The following SIGLEC1 variants were observed in gnomAD, a reference collection of about 807,000 sequenced individuals.
The protein encoded by SIGLEC1 is sialoadhesin.
A neutral mutation model predicts 148.0 loss-of-function variants in SIGLEC1; 132 were observed. That is an observed-to-expected ratio of 0.89 (90% confidence interval 0.77 to 1.03). The LOEUF is 1.03. Ranked by LOEUF, SIGLEC1 falls within the 50% of genes least tolerant of loss-of-function variation. The pLI is 0.00. For missense variants in SIGLEC1, 2,253 were observed against 2,271.4 expected (o/e 0.99, Z 0.16); for synonymous variants, 945 against 969.0 (o/e 0.98, Z 0.46).
rs762754808 is a variant in SIGLEC1 at position 3,690,160 on chromosome 20, G to A, written c.4696C>T (p.Leu1566Phe). The A allele has an allele frequency of 1.1e-5, 18 of 1,595,920 alleles. No individual in the cohort carries two copies. The highest frequency in any genetic ancestry group is 1.5e-5 in the Non-Finnish European group (18 of 1,172,130). The change falls in exon 19 of 22, where the codon CTC (leucine) becomes TTC (phenylalanine). Residue 1566 changes from leucine (L) to phenylalanine (F), a missense_variant. Transcript: ENST00000344754. ...VDSEPLASLT[L>F]HLGSRLVASS... ...GCCACCAGTCGACTGCCAAGGTGGA[G>A]AGTCAGGCTGGCGAGCGGCTCGCTG...
intron 11 of SIGLEC1, among the ~76,000 whole-genome samples, chr20:3,695,760 T>C (rs576618143): frequency 1.1e-3 from 163 of 152,324 alleles, no homozygotes; most frequent in African/African-American, 3.8e-3. Flanking sequence ...TCATGTTCCT[T>C]TGACCTTCGC....
chr20:3,700,413 T>C (rs1291297121), intron 7 of SIGLEC1, among the ~76,000 whole-genome samples: 2 of 151,570 alleles, frequency 1.3e-5, no homozygotes, highest in Non-Finnish European at 2.9e-5. Flanking sequence ...CCACCATGCC[T>C]GGCCACAATT....
rs1450034632 is a variant in SIGLEC1, at chr20:3,691,297, G to A, written c.4591+43C>T. On this transcript the variant is annotated intron_variant, in intron 18 of 21. Coordinates refer to ENST00000344754, the MANE Select transcript of SIGLEC1 (RefSeq NM_023068.4). Reference sequence around the variant, plus strand: ...GGAGGAAGAACTGAGGTGGGCGTGTGAGATGTGGGGAGACTAAGGCGGAGG... The same window carrying A: ...GGAGGAAGAACTGAGGTGGGCGTGTAAGATGTGGGGAGACTAAGGCGGAGG... 4 of 1,604,596 alleles carry A rather than the reference G, an allele frequency of 2.5e-6. No individual in the cohort carries two copies. In the South Asian group the frequency reaches 4.4e-5, roughly 18 times the overall value.
At position 3,698,106 on chromosome 20, in the gene SIGLEC1, GTGGTGAATGT is replaced by G; in HGVS notation, c.1804_1813del (p.Thr602ProfsTer59). ...CCCAGCGGCATCAAGGTCCAGCCTGGTGGTGAATGTTGGTTGTCGAGGGGGGTCTGCAGGG... is the reference window on the plus strand; with the variant it reads ...CCCAGCGGCATCAAGGTCCAGCCTGGTGGTTGTCGAGGGGGGTCTGCAGGG... On this transcript the variant is annotated frameshift_variant, in exon 9 of 22. Transcript: ENST00000344754. LOFTEE classifies it high-confidence loss of function. 6.2e-7 allele frequency: 1 copy of G among 1,602,986 alleles called. No homozygotes were observed. Among genetic ancestry groups the G allele is most frequent in the Non-Finnish European group, 8.5e-7 (1 of 1,176,494 alleles).
chr20:3,689,055 G>C (rs897740212), intron 21 of SIGLEC1, 100 bp downstream of exon 21: 3 of 1,054,744 alleles, frequency 2.8e-6, no homozygotes, highest in East Asian at 2.4e-5. Context: ...CCTCCCCTTG[G>C]TCCCAGGCAC....
rs1319058973 is a variant in SIGLEC1, at chr20:3,694,523, C to T, written c.2954G>A (p.Arg985His). ...PISLHVSYAP[R>H]HVTLTTLMDT... ...CATCAGGGTAGTGAGTGTGACGTGG[C>T]GTGGGGCATCTACACAGGGTGGGGA... The change falls in exon 13 of 22, where the codon CGC becomes CAC. Residue 985 changes from arginine (R) to histidine (H), a missense_variant. Coordinates refer to ENST00000344754, the MANE Select transcript of SIGLEC1 (RefSeq NM_023068.4). 8 of 1,559,800 alleles carry T rather than the reference C, an allele frequency of 5.1e-6. No homozygotes were observed. Among genetic ancestry groups the T allele is most frequent in the East Asian group, 4.6e-5 (2 of 43,416 alleles).
chr20:3,688,954 G>C lies in SIGLEC1; in HGVS notation c.5070+201C>G, dbSNP rs572511667. 2.8e-5 allele frequency: 17 copies of C among 615,746 alleles called. No individual in the cohort carries two copies. The South Asian group carries it at 3.1e-4, about 11-fold the overall frequency. 38.1% of individuals were successfully genotyped at this position (615,746 alleles called of 1,614,324 possible). A position where few individuals can be genotyped will look rare whatever the true frequency, so the allele number is the denominator to read the frequency against. On this transcript the variant is annotated intron_variant, in intron 21 of 21. Transcript: ENST00000344754. Reference sequence around the variant, plus strand: ...TCTCCCCTAGTCCTCTAAGCCAGCCGCCAGCTGACACAGGGATTCCCTCTG... The same window carrying C: ...TCTCCCCTAGTCCTCTAAGCCAGCCCCCAGCTGACACAGGGATTCCCTCTG...
At chr20:3,694,581 C>G (rs879604082) in intron 12 of SIGLEC1, 49 bp from the exon 13 acceptor site, 1 of 1,559,312 alleles carries the variant, frequency 6.4e-7, no homozygotes, top group Non-Finnish European at 8.7e-7. Flanking sequence ...GGTCCCTCAT[C>G]CAGGGCTCTG....
intron 20 of SIGLEC1, 78 bp from the exon 21 acceptor site, chr20:3,689,305 G>A (rs2088731137): frequency 2.4e-6 from 3 of 1,270,990 alleles, no homozygotes; most frequent in East Asian, 2.3e-5. Context: ...CTCCCCACAG[G>A]CTGGCTCCAG....
chr20:3,700,174 G>C (rs1488948066), intron 7 of SIGLEC1, among the ~76,000 whole-genome samples: 2 of 129,788 alleles, frequency 1.5e-5, no homozygotes, highest in Admixed American at 1.9e-4. Flanking sequence ...CTGGAGTGCA[G>C]TGGCGCAATC....
rs369071850 is a variant in SIGLEC1, at chr20:3,703,809, C to G, written c.973+16G>C. ...CCCTATTCTCTGGCCAATACGCAAC[C>G]TTCCCAAGAACTCACTGAAGATGTG... On this transcript the variant is annotated intron_variant, in intron 5 of 21. Coordinates refer to ENST00000344754, the MANE Select transcript of SIGLEC1 (RefSeq NM_023068.4). 6.2e-6 allele frequency: 10 copies of G among 1,613,404 alleles called. No individual in the cohort carries two copies. Among genetic ancestry groups the G allele is most frequent in the Admixed American group, 3.3e-5 (2 of 59,990 alleles).
In SIGLEC1 at chr20:3,691,592, C is replaced by T. The variant is rs765649353; in HGVS notation, c.4339G>A (p.Val1447Met). 8.1e-6 allele frequency: 13 copies of T among 1,611,718 alleles called. No individual in the cohort carries two copies. The highest frequency in any genetic ancestry group is 1.3e-5 in the African/African-American group (1 of 74,918). Residue 1447 changes from valine to methionine, a missense_variant, in exon 18 of 22, where the codon GTG becomes ATG. Physicochemically the swap from Val to Met is conservative, Grantham distance 21. Transcript: ENST00000344754. ...IGRLQVEGAR[V>M]VAEPGLDVPE... ...ACGTCCAGGCCAGGCTCTGCCACCA[C>T]GCGTGCACCTGCGGGCGGAGGATAG...
Position 3,690,080 on chromosome 20 carries a change from G to A in SIGLEC1, c.4776C>T (p.Ser1592=). 6.2e-7 allele frequency: 1 copy of A among 1,611,828 alleles called. No individual in the cohort carries two copies. The highest frequency in any genetic ancestry group is 8.5e-7 in the Non-Finnish European group (1 of 1,179,374). Residue 1592 remains serine, a synonymous_variant, in exon 19 of 22, where the codon TCC becomes TCT. Coordinates refer to ENST00000344754, the MANE Select transcript of SIGLEC1 (RefSeq NM_023068.4). ...CGATGTCCACCCTCAGGGCATTGGG[G>A]GAAGCCAGGACATGGATGTGTGGCT... ...PAEPHIHVLA[S]PNALRVDIEA...
rs1600279435 is a variant in SIGLEC1 at position 3,691,394 on chromosome 20, C to T, written c.4537G>A (p.Ala1513Thr). The change falls in exon 18 of 22, where the codon GCT (alanine) becomes ACT (threonine). Residue 1513 changes from alanine to threonine, a missense_variant. Ala to Thr is a moderately conservative substitution (Grantham distance 58, BLOSUM62 0). Coordinates refer to ENST00000344754, the MANE Select transcript of SIGLEC1 (RefSeq NM_023068.4). ...RAQAGMYHCL[A>T]ELPTGAAASA... The stretch of plus-strand genomic sequence containing the variant: ...GCAGCAGCCCCAGTGGGGAGCTCAG[C>T]CAGGCAGTGGTACATCCCAGCTTGA... 1.2e-6 allele frequency: 2 copies of T among 1,613,412 alleles called. No individual in the cohort carries two copies. Among genetic ancestry groups the T allele is most frequent in the Non-Finnish European group, 1.7e-6 (2 of 1,180,040 alleles).
Position 3,692,624 on chromosome 20 carries a change from G to A in SIGLEC1, c.3927C>T (p.Leu1309=), listed in dbSNP as rs551972956. The change falls in exon 16 of 22, where the codon CTC becomes CTT. Residue 1309 remains leucine, a synonymous_variant. Coordinates refer to ENST00000344754, the MANE Select transcript of SIGLEC1 (RefSeq NM_023068.4). ...GAGCCCGCGTGGCCACCAGGAATGA[G>A]AGTGAGGCAGCTGGACCCTCCTGCA... ...RWLQEGPAAS[L]SFLVATRAHA... 81 of 1,613,002 alleles carry A rather than the reference G, an allele frequency of 5.0e-5. 2 individuals carry two copies. The South Asian group carries it at 8.8e-4, about 17-fold the overall frequency.
At chr20:3,700,640 G>A (rs548660400) in intron 7 of SIGLEC1, among the ~76,000 whole-genome samples, 3 of 151,994 alleles carry the variant, frequency 2.0e-5, no homozygotes, top group Admixed American at 2.0e-4. Context: ...CTCAGGAGGA[G>A]GGAAGGACAG....
chr20:3,712,392 C>T (rs1389668644), intron 1 of SIGLEC1, among the ~76,000 whole-genome samples, 78 bp downstream of exon 1: 1 of 151,688 alleles, frequency 6.6e-6, no homozygotes, highest in African/African-American at 2.4e-5. Flanking sequence ...GCCCCTATCC[C>T]GCTCAGCCAG....
intron 21 of SIGLEC1, chr20:3,688,859 C>A (rs1273007303): frequency 3.4e-6 from 2 of 596,892 alleles, no homozygotes; most frequent in Admixed American, 3.0e-5. Context: ...GAAGAGGCCT[C>A]AGAACAAAGG....
Position 3,701,364 on chromosome 20 carries a change from G to C in SIGLEC1, c.1506C>G (p.Ser502=), listed in dbSNP as rs1018493. Residue 502 remains serine, a synonymous_variant, in exon 7 of 22, where the codon TCC becomes TCG. Transcript: ENST00000344754. ...TACCATTGGCATGGAAGTCCAGGGTGGAGGTTGCATTTCCAAGGGAGTTGG... is the reference window on the plus strand; with the variant it reads ...TACCATTGGCATGGAAGTCCAGGGTCGAGGTTGCATTTCCAAGGGAGTTGG... ...SATNSLGNAT[S]TLDFHANAAR... 6.2e-7 allele frequency: 1 copy of C among 1,612,276 alleles called. No homozygotes were observed. The highest frequency in any genetic ancestry group is 8.5e-7 in the Non-Finnish European group (1 of 1,178,784).
Sources: allele counts gnomAD v4.1 joint callset (sites outside exome capture counted in the v4.1 genomes callset), GRCh38; gene constraint gnomAD v4.1.1; transcripts MANE v1.5; gene names NCBI Gene and HGNC (gene_info 2026-07-23, HGNC 2026-07-21).